Variants in RAPGEF4 observed in about 807,000 individuals in gnomAD.
RAPGEF4 encodes RAP guanine-nucleotide-exchange factor (GEF) 4.
A neutral mutation model predicts 147.9 loss-of-function variants in RAPGEF4; 66 were observed. That is an observed-to-expected ratio of 0.45 (90% confidence interval 0.37 to 0.55). The LOEUF (loss-of-function observed/expected upper bound fraction) is 0.55, where lower values mean the gene tolerates loss of function less well. Among genes scored for constraint, RAPGEF4 ranks in the 20% least tolerant of loss-of-function variants. The pLI is 0.00. For synonymous variants in RAPGEF4, 419 were observed against 442.7 expected (o/e 0.95, Z 0.67); for missense variants, 1,071 against 1,257.3 (o/e 0.85, Z 2.24).
chr2:172,861,083 G>A (rs1029512485), intron 4 of RAPGEF4, among the ~76,000 whole-genome samples: 4 of 152,138 alleles, frequency 2.6e-5, no homozygotes, highest in Admixed American at 1.3e-4. Context: ...GACTATGAAT[G>A]GGTGGAACTC....
Position 172,798,669 on chromosome 2 carries a change from G to A in RAPGEF4, c.297+1056G>A, listed in dbSNP as rs147970293. ...TTTTCATAGGTAGCACACTTCAAAT[G>A]TGAGAAACATTTATGACACACCAAA... On this transcript the variant is annotated intron_variant, in intron 3 of 30. Coordinates refer to ENST00000397081, the MANE Select transcript of RAPGEF4 (RefSeq NM_007023.4). Among the ~76,000 whole-genome samples, 8 of 104,880 alleles carry A rather than the reference G, an allele frequency of 7.6e-5. No homozygotes were observed. The East Asian group carries it at 2.4e-3, about 31-fold the overall frequency. 68.8% of individuals were successfully genotyped at this position (104,880 alleles called of 152,430 possible).
At chr2:172,835,824 C>A (rs1690862638) in intron 4 of RAPGEF4, among the ~76,000 whole-genome samples, 1 of 152,066 alleles carries the variant, frequency 6.6e-6, no homozygotes, top group Non-Finnish European at 1.5e-5. Flanking sequence ...ATTTCCAATT[C>A]AGAAATCAAA....
In RAPGEF4 at chr2:173,018,660, G is replaced by A. The variant is rs61742460; in HGVS notation, c.2013G>A (p.Leu671=). The change falls in exon 22 of 31, where the codon CTG becomes CTA. Residue 671 remains leucine (L), a synonymous_variant. Transcript: ENST00000397081. ...CTTGTTACTGCCTTTGGATAGTTCT[G>A]TTTAAGGTCTATTGCATGGACCACA... The part of the protein sequence containing the change: ...RQPIRGSDEV[L]FKVYCMDHTY... The A allele has an allele frequency of 9.1e-4, 1,465 of 1,613,726 alleles. 15 individuals are homozygous for A. In the African/African-American group the frequency reaches 0.017, roughly 19 times the overall value.
At position 173,050,361 on chromosome 2, in the gene RAPGEF4, A is replaced by ATAAT. The variant is rs544611435; in HGVS notation, c.2909-1276_2909-1273dup. Among the ~76,000 whole-genome samples, 9 of 151,432 alleles carry ATAAT rather than the reference A, an allele frequency of 5.9e-5. No individual in the cohort carries two copies. The South Asian group carries it at 1.9e-3, about 32-fold the overall frequency. ...TTCGCTGTGGTATTATTTCTATGTG[A>ATAAT]TAATTATACTGATGAGTTTCTTCTC... is the stretch of plus-strand genomic sequence containing the variant. On this transcript the variant is annotated intron_variant, in intron 30 of 30. Coordinates refer to ENST00000397081, the MANE Select transcript of RAPGEF4 (RefSeq NM_007023.4).
At chr2:173,016,573 G>A (rs1695529528) in intron 19 of RAPGEF4, 136 bp downstream of exon 19, 3 of 676,632 alleles carry the variant, frequency 4.4e-6, no homozygotes, top group East Asian at 2.7e-5. Flanking sequence ...CTGGGCTGAG[G>A]GCATAGGTGG....
intron 6 of RAPGEF4, among the ~76,000 whole-genome samples, chr2:172,938,033 T>C (rs1002023539): frequency 2.6e-5 from 4 of 152,140 alleles, no homozygotes; most frequent in Admixed American, 6.5e-5. Flanking sequence ...TATTCTCGGC[T>C]CTAGTCCCAG....
intron 1 of RAPGEF4, among the ~76,000 whole-genome samples, chr2:172,782,622 C>A (rs1684789775): frequency 6.6e-6 from 1 of 152,148 alleles, no homozygotes; most frequent in Non-Finnish European, 1.5e-5. Flanking sequence ...TTTTTGAGAG[C>A]CTTTGCTTAC....
chr2:173,047,919 A>G (rs904676908), intron 29 of RAPGEF4, among the ~76,000 whole-genome samples: 7 of 151,636 alleles, frequency 4.6e-5, no homozygotes, highest in Admixed American at 3.3e-4. Flanking sequence ...CTCGTGATCC[A>G]CCCGCCTCGG....
At chr2:172,749,603 G>A (rs751967718) in intron 1 of RAPGEF4, among the ~76,000 whole-genome samples, 21 of 152,218 alleles carry the variant, frequency 1.4e-4, no homozygotes, top group Non-Finnish European at 3.1e-4. Context: ...TGATGGGAAG[G>A]GCTGCTGCAA....
intron 4 of RAPGEF4, among the ~76,000 whole-genome samples, chr2:172,852,748 T>C (rs1692994780): frequency 6.6e-6 from 1 of 152,174 alleles, no homozygotes; most frequent in Non-Finnish European, 1.5e-5. Context: ...TATTTCATCA[T>C]TAAATATTAT....
intron 4 of RAPGEF4, among the ~76,000 whole-genome samples, chr2:172,824,090 A>T (rs1689407661): frequency 6.6e-6 from 1 of 152,254 alleles, no homozygotes; most frequent in Non-Finnish European, 1.5e-5. Flanking sequence ...GTGAATGGAA[A>T]GAATAAAATA....
Position 172,881,105 on chromosome 2 carries a change from C to T in RAPGEF4, c.445-36697C>T, listed in dbSNP as rs887981672. On this transcript the variant is annotated intron_variant, in intron 4 of 30. Coordinates refer to ENST00000397081, the MANE Select transcript of RAPGEF4 (RefSeq NM_007023.4). The stretch of plus-strand genomic sequence containing the variant: ...TTGTCCTGTGCACAACACAGAAATA[C>T]TGCCCACGCTTGTGGAGGTGTGTGG... Among the ~76,000 whole-genome samples the T allele has an allele frequency of 4.6e-4, 70 of 152,200 alleles. 1 individual carries two copies. The highest frequency in any genetic ancestry group is 3.9e-3 in the Admixed American group (59 of 15,274).
chr2:172,942,241 T>C (rs1687232769), intron 6 of RAPGEF4, among the ~76,000 whole-genome samples: 1 of 148,490 alleles, frequency 6.7e-6, no homozygotes. Flanking sequence ...CAATTACTTT[T>C]GCACCACAAT....
At chr2:172,783,449 G>A (rs79705639) in intron 1 of RAPGEF4, among the ~76,000 whole-genome samples, 5,417 of 152,230 alleles carry the variant, frequency 0.036, 127 homozygotes, top group African/African-American at 0.067. Flanking sequence ...GACTCCACGT[G>A]CTCTGCTCCC....
rs758501342 is a variant in RAPGEF4 at position 172,983,470 on chromosome 2, T to TC, written c.1005-24dup. 6.4e-6 allele frequency: 10 copies of TC among 1,567,316 alleles called. No homozygotes were observed. In the African/African-American group the frequency reaches 1.1e-4, roughly 18 times the overall value. On this transcript the variant is annotated intron_variant, in intron 10 of 30. Transcript: ENST00000397081. ...CCCTAGTGATGCCCTTTTTCCATAT[T>TC]CCTTTTTTTTTTTTTATCTTTGTAG... is the stretch of plus-strand genomic sequence containing the variant.
chr2:172,859,155 C>T (rs897174259), intron 4 of RAPGEF4, among the ~76,000 whole-genome samples: 54 of 152,104 alleles, frequency 3.6e-4, no homozygotes, highest in African/African-American at 1.3e-3. Flanking sequence ...ATTCCCTTAA[C>T]AAAATACACA....
chr2:172,959,242 T>C (rs1249767328), intron 6 of RAPGEF4, among the ~76,000 whole-genome samples: 1 of 152,218 alleles, frequency 6.6e-6, no homozygotes, highest in Non-Finnish European at 1.5e-5. Context: ...CATCTGGAAG[T>C]TCTAGGGGAA....
At chr2:172,747,799 C>T (rs1419628604) in intron 1 of RAPGEF4, among the ~76,000 whole-genome samples, 1 of 152,192 alleles carries the variant, frequency 6.6e-6, no homozygotes, top group Non-Finnish European at 1.5e-5. Context: ...AAACTTTGTA[C>T]CCCTTGACCA....
At chr2:172,855,582 G>A (rs1213536838) in intron 4 of RAPGEF4, among the ~76,000 whole-genome samples, 2 of 152,036 alleles carry the variant, frequency 1.3e-5, no homozygotes, top group Admixed American at 1.3e-4. Context: ...CTTCATTCTG[G>A]AGAGCTTTCT....
Sources: gnomAD v4.1 joint callset for allele counts (sites outside exome capture counted in the v4.1 genomes callset) on GRCh38, gnomAD v4.1.1 for gene constraint, MANE v1.5 for transcripts, NCBI Gene and HGNC (gene_info 2026-07-23, HGNC 2026-07-21) for gene names.